The following SGCZ variants were observed in gnomAD, a reference collection of about 807,000 sequenced individuals.
The protein encoded by SGCZ is zeta-sarcoglycan.
SGCZ carries 40 observed loss-of-function variants against 41.3 expected under a neutral mutation model. The observed-to-expected ratio is 0.97, with a 90% CI of 0.75 to 1.26. The LOEUF is 1.26. Ranked by LOEUF, SGCZ falls within the 50% of genes most tolerant of loss-of-function variation. The pLI, the probability that SGCZ is intolerant of heterozygous loss-of-function variation, is 0.00. For missense variants in SGCZ, 552 were observed against 369.8 expected (o/e 1.49, Z -4.04); for synonymous variants, 206 against 137.5 (o/e 1.50, Z -3.49).
chr8:14,992,481 C>T (rs1802049813), intron 1 of SGCZ, among the ~76,000 whole-genome samples: 1 of 146,818 alleles, frequency 6.8e-6, no homozygotes, highest in African/African-American at 2.6e-5. Context: ...CCCAAATCTA[C>T]TCCCAAAACC....
intron 4 of SGCZ, among the ~76,000 whole-genome samples, chr8:14,226,450 G>T (rs1020632756): frequency 6.6e-6 from 1 of 151,970 alleles, no homozygotes; most frequent in Non-Finnish European, 1.5e-5. Flanking sequence ...CCATAGTTTT[G>T]TCCTTTTAAG....
intron 4 of SGCZ, among the ~76,000 whole-genome samples, chr8:14,224,874 C>T (rs1397199257): frequency 6.6e-6 from 1 of 152,068 alleles, no homozygotes; most frequent in Non-Finnish European, 1.5e-5. Flanking sequence ...GTGACCCTAC[C>T]AACGTTTTCC....
At chr8:14,489,413 G>T (rs557652547) in intron 2 of SGCZ, among the ~76,000 whole-genome samples, 1 of 151,598 alleles carries the variant, frequency 6.6e-6, no homozygotes, top group Non-Finnish European at 1.5e-5. Context: ...AAATAAGCAT[G>T]ACAATTTTAC....
intron 4 of SGCZ, among the ~76,000 whole-genome samples, chr8:14,185,768 T>A (rs1340820632): frequency 6.6e-6 from 1 of 152,190 alleles, no homozygotes; most frequent in African/African-American, 2.4e-5. Context: ...CAGTAAAGAC[T>A]CTTAAACTGT....
intron 1 of SGCZ, among the ~76,000 whole-genome samples, chr8:14,564,720 G>T (rs1468395644): frequency 1.3e-5 from 2 of 152,126 alleles, no homozygotes; most frequent in East Asian, 3.9e-4. Context: ...ATGCTTGAAG[G>T]GTCCAAATTA....
chr8:14,517,027 A>C (rs566156328), intron 2 of SGCZ, among the ~76,000 whole-genome samples: 2 of 152,132 alleles, frequency 1.3e-5, no homozygotes, highest in East Asian at 3.9e-4. Context: ...GTTGTAGTGC[A>C]CAGTGATTCT....
intron 2 of SGCZ, among the ~76,000 whole-genome samples, chr8:14,414,585 A>G (rs933910158): frequency 6.6e-6 from 1 of 152,004 alleles, no homozygotes; most frequent in East Asian, 1.9e-4. Context: ...TTTAAAAATA[A>G]CTTAGTTTAA....
intron 1 of SGCZ, among the ~76,000 whole-genome samples, chr8:14,965,066 G>C (rs1801088440): frequency 6.6e-6 from 1 of 152,054 alleles, no homozygotes; most frequent in Non-Finnish European, 1.5e-5. Flanking sequence ...CATGCTAAGA[G>C]TCACAAAATA....
intron 2 of SGCZ, among the ~76,000 whole-genome samples, chr8:14,441,770 T>A (rs78953973): frequency 0.031 from 4,723 of 152,222 alleles, 221 homozygotes; most frequent in African/African-American, 0.11. Context: ...TCATTTTGCT[T>A]AACTCAAGTG....
intron 1 of SGCZ, among the ~76,000 whole-genome samples, chr8:14,959,926 A>G (rs1430213772): frequency 6.6e-6 from 1 of 152,128 alleles, no homozygotes; most frequent in African/African-American, 2.4e-5. Context: ...GTCAGTTTTA[A>G]CTGATTACCA....
chr8:14,845,405 C>A lies in SGCZ; in HGVS notation c.40-290479G>T, dbSNP rs113717990. ...TTTTGTTATACAAAAATACAAAAAG[C>A]AGCACCCAAATAGTAAATTTCACAA... is the stretch of plus-strand genomic sequence containing the variant. On this transcript the variant is annotated intron_variant, in intron 1 of 7. Transcript: ENST00000382080. Among the ~76,000 whole-genome samples, 1,228 of 152,224 alleles carry A rather than the reference C, an allele frequency of 8.1e-3. 19 individuals carry two copies. The highest frequency in any genetic ancestry group is 0.028 in the African/African-American group (1,149 of 41,540).
chr8:14,198,116 T>A (rs971631315), intron 4 of SGCZ, among the ~76,000 whole-genome samples: 1 of 152,208 alleles, frequency 6.6e-6, no homozygotes, highest in Non-Finnish European at 1.5e-5. Flanking sequence ...AAACAATTCA[T>A]AAGTTTTAAA....
chr8:14,405,605 A>T (rs1585464452), intron 2 of SGCZ, among the ~76,000 whole-genome samples: 1 of 117,300 alleles, frequency 8.5e-6, no homozygotes, highest in East Asian at 2.4e-4. Context: ...TTTCAAAAAC[A>T]GATGAAGTAC....
chr8:15,095,685 G>A (rs1806321644), intron 1 of SGCZ, among the ~76,000 whole-genome samples: 1 of 152,028 alleles, frequency 6.6e-6, no homozygotes, highest in African/African-American at 2.4e-5. Flanking sequence ...AAAGCCCATT[G>A]ACCTTTACCC....
chr8:15,121,900 C>CAAAAAA (rs55783598), intron 1 of SGCZ, among the ~76,000 whole-genome samples: 2 of 126,314 alleles, frequency 1.6e-5, no homozygotes, highest in Non-Finnish European at 3.3e-5. Flanking sequence ...CGGCAGTTAC[C>CAAAAAA]AAAAAAAAAA....
intron 1 of SGCZ, among the ~76,000 whole-genome samples, chr8:15,082,166 T>C (rs1343034422): frequency 6.6e-6 from 1 of 151,898 alleles, no homozygotes; most frequent in Non-Finnish European, 1.5e-5. Flanking sequence ...GAGGCAGAGT[T>C]TGCAGTGAGC....
chr8:14,432,412 G>A (rs1374824595), intron 2 of SGCZ, among the ~76,000 whole-genome samples: 1 of 152,202 alleles, frequency 6.6e-6, no homozygotes, highest in Admixed American at 6.5e-5. Flanking sequence ...ATAACTCTAA[G>A]TGAAGTAACT....
chr8:14,715,771 T>G (rs1809669411), intron 1 of SGCZ, among the ~76,000 whole-genome samples: 1 of 152,152 alleles, frequency 6.6e-6, no homozygotes, highest in Non-Finnish European at 1.5e-5. Flanking sequence ...AAATCCATCC[T>G]GCAAGTTTAT....
intron 5 of SGCZ, among the ~76,000 whole-genome samples, chr8:14,116,617 TC>T (rs1239144914): frequency 1.3e-5 from 2 of 152,082 alleles, no homozygotes; most frequent in African/African-American, 4.8e-5. Flanking sequence ...CCAGATAAAT[TC>T]TCTTCATCTT....
Sources: allele counts gnomAD v4.1 joint callset (sites outside exome capture counted in the v4.1 genomes callset), GRCh38; gene constraint gnomAD v4.1.1; transcripts MANE v1.5; gene names NCBI Gene and HGNC (gene_info 2026-07-23, HGNC 2026-07-21).